The following ASMTL variants were observed in gnomAD, a reference collection of about 807,000 sequenced individuals.
The protein encoded by ASMTL is acetylserotonin O-methyltransferase like, also known as probable bifunctional dTTP/UTP pyrophosphatase/methyltransferase protein.
Under a neutral mutation model 60.3 loss-of-function variants are expected in ASMTL, and 57 were observed. That is an observed-to-expected ratio of 0.95 (90% CI 0.76 to 1.18). The LOEUF (loss-of-function observed/expected upper bound fraction) is 1.18. Among genes scored for constraint, ASMTL ranks in the 50% most tolerant of loss-of-function variants. The pLI is 0.00. For synonymous variants in ASMTL, 419 were observed against 373.0 expected (o/e 1.12, Z -1.42); for missense variants, 981 against 852.6 (o/e 1.15, Z -1.88).
At chrX:1,421,519 C>T in intron 9 of ASMTL, 139 bp downstream of exon 9, 1 of 901,134 alleles carries the variant, frequency 1.1e-6, no homozygotes, top group South Asian at 1.6e-5. Flanking sequence ...GCACTAAGTT[C>T]TCCAGGCAGA....
rs1317357774 is a variant in ASMTL at position 1,416,364 on chromosome X, G to C, written c.1522+1609C>G. 2.7e-5 allele frequency among the ~76,000 whole-genome samples: 3 copies of C among 110,636 alleles called. No homozygotes were observed. The East Asian group carries it at 8.0e-4, about 30-fold the overall frequency. The allele number at this position is 110,636 out of a possible 152,430, so 72.6% of individuals were successfully genotyped here. On this transcript the variant is annotated intron_variant, in intron 11 of 12. Coordinates refer to ENST00000381317, the MANE Select transcript of ASMTL (RefSeq NM_004192.4). ...ACAGATACAGTGACAGGCACACACA[G>C]ACGCAGACATGCACAGATGGGCACA...
In ASMTL at chrX:1,412,810, G is replaced by C; in HGVS notation, c.1567C>G (p.Leu523Val). The C allele has an allele frequency of 6.2e-7, 1 of 1,613,972 alleles. No homozygotes were observed. The highest frequency in any genetic ancestry group is 8.5e-7 in the Non-Finnish European group (1 of 1,179,870). Reference sequence around the variant, plus strand: ...GGCCAGTCATGCAGGATCCGGCACAGGACGTACAGCTCAGCGCTGGGGAGG... The same window carrying C: ...GGCCAGTCATGCAGGATCCGGCACACGACGTACAGCTCAGCGCTGGGGAGG... ...DPLPSAELYV[L>V]CRILHDWPDD... is the part of the protein sequence containing the mutation. The change falls in exon 12 of 13, where the codon CTG becomes GTG. Residue 523 changes from leucine (L) to valine (V), a missense_variant. Transcript: ENST00000381317.
chrX:1,412,142 G>T (rs1370205573), intron 12 of ASMTL, among the ~76,000 whole-genome samples: 1 of 151,982 alleles, frequency 6.6e-6, no homozygotes, highest in Non-Finnish European at 1.5e-5. Context: ...AAATACAGCA[G>T]ATTTACCCTC....
At chrX:1,444,274 T>A (rs1433198743) in intron 1 of ASMTL, among the ~76,000 whole-genome samples, 3 of 150,782 alleles carry the variant, frequency 2.0e-5, no homozygotes, top group Non-Finnish European at 3.0e-5. Context: ...AGTGATGCCA[T>A]CTCGGCTCAC....
At chrX:1,433,451 G>A (rs1189650005) in intron 5 of ASMTL, among the ~76,000 whole-genome samples, 1 of 147,060 alleles carries the variant, frequency 6.8e-6, no homozygotes, top group Admixed American at 6.9e-5. Flanking sequence ...GGATCACAAG[G>A]TCAGGAGATC....
At position 1,416,620 on chromosome X, in the gene ASMTL, AAC is replaced by A. The variant is rs1250851372; in HGVS notation, c.1522+1351_1522+1352del. 8.7e-5 allele frequency among the ~76,000 whole-genome samples: 12 copies of A among 137,206 alleles called. 1 individual carries two copies. Among genetic ancestry groups the A allele is most frequent in the East Asian group, 4.2e-4 (2 of 4,802 alleles). 90.0% of individuals were successfully genotyped at this position (137,206 alleles called of 152,430 possible). ...ACATATACCCACACAGACGCACAGA[AAC>A]ACACATACCCTCACACATATGCAAG... On this transcript the variant is annotated intron_variant, in intron 11 of 12. Coordinates refer to ENST00000381317, the MANE Select transcript of ASMTL (RefSeq NM_004192.4).
At chrX:1,416,514 C>G (rs1379334478) in intron 11 of ASMTL, among the ~76,000 whole-genome samples, 2 of 151,742 alleles carry the variant, frequency 1.3e-5, no homozygotes, top group African/African-American at 4.8e-5. Flanking sequence ...CACACGGATG[C>G]AGACATGCAC....
chrX:1,412,700 C>G (rs372317100), intron 12 of ASMTL, 32 bp downstream of exon 12: 25 of 1,613,870 alleles, frequency 1.5e-5, no homozygotes, highest in South Asian at 4.4e-5. Flanking sequence ...TACGTCTTAA[C>G]AAAAACAGCT....
chrX:1,419,777 G>A (rs753130986), intron 9 of ASMTL, among the ~76,000 whole-genome samples: 2 of 152,314 alleles, frequency 1.3e-5, no homozygotes, highest in South Asian at 2.1e-4. Context: ...TCTCGCGGGG[G>A]CTCCCCGGCC....
At chrX:1,411,598 G>A (rs1256738928) in intron 12 of ASMTL, among the ~76,000 whole-genome samples, 1 of 56,260 alleles carries the variant, frequency 1.8e-5, no homozygotes, top group African/African-American at 9.0e-5. Flanking sequence ...ACGTGTGTCT[G>A]CGTAGAAACA....
chrX:1,437,366 T>A (rs112705473), intron 3 of ASMTL, among the ~76,000 whole-genome samples: 2 of 150,344 alleles, frequency 1.3e-5, no homozygotes, highest in Admixed American at 1.3e-4. Flanking sequence ...GGGTGGCTTA[T>A]AAACAGCAGA....
intron 9 of ASMTL, among the ~76,000 whole-genome samples, chrX:1,421,020 C>T (rs1385244020): frequency 2.0e-5 from 3 of 149,086 alleles, no homozygotes; most frequent in South Asian, 2.1e-4. Context: ...AGGGCAGTGG[C>T]GTGATCTCAG....
rs1424817580 is a variant in ASMTL at position 1,407,494 on chromosome X, AGATG to A, written c.1646-4009_1646-4006del. On this transcript the variant is annotated intron_variant, in intron 12 of 12. Transcript: ENST00000381317. The stretch of plus-strand genomic sequence containing the variant: ...AGATGGATAGATGGATGCATGGATG[AGATG>A]GATGGATGGGTGAATATATGGTAGA... Among the ~76,000 whole-genome samples the A allele has an allele frequency of 9.4e-4, 141 of 149,614 alleles. 5 individuals are homozygous for A. Among genetic ancestry groups the A allele is most frequent in the African/African-American group, 3.2e-3 (129 of 39,920 alleles).
At chrX:1,453,147 C>G (rs1308244545), upstream of ASMTL, among the ~76,000 whole-genome samples, 1 of 142,544 alleles carries the variant, frequency 7.0e-6, no homozygotes. Flanking sequence ...GACCACGCCT[C>G]CATTGCCCTC....
At chrX:1,430,450 A>T (rs2090739223) in intron 6 of ASMTL, among the ~76,000 whole-genome samples, 1 of 152,102 alleles carries the variant, frequency 6.6e-6, no homozygotes, top group Non-Finnish European at 1.5e-5. Context: ...CATATATATT[A>T]CGCAGACTCC....
Position 1,427,935 on chromosome X carries a change from C to T in ASMTL, c.696G>A (p.Ala232=), listed in dbSNP as rs377169014. ...CGTCACTGAGGTCTTCGAAGGTGTC[C>T]GCGGCCGGGATGGAGTCGTGCTTGA... is the stretch of plus-strand genomic sequence containing the variant. ...RSVKHDSIPA[A]DTFEDLSDVE... is the part of the protein sequence containing the mutation. Residue 232 remains alanine, a synonymous_variant, in exon 7 of 13, where the codon GCG becomes GCA. Coordinates refer to ENST00000381317, the MANE Select transcript of ASMTL (RefSeq NM_004192.4). The T allele has an allele frequency of 3.9e-5, 63 of 1,613,414 alleles. No homozygotes were observed. The highest frequency in any genetic ancestry group is 7.7e-5 in the South Asian group (7 of 91,066).
At chrX:1,403,746 C>T (rs1314064186) in intron 12 of ASMTL, among the ~76,000 whole-genome samples, 1 of 151,870 alleles carries the variant, frequency 6.6e-6, no homozygotes, top group Non-Finnish European at 1.5e-5. Context: ...TTCCGGTTCT[C>T]CTGGATGCAT....
At chrX:1,419,421 C>G (rs6588861) in intron 9 of ASMTL, among the ~76,000 whole-genome samples, 1 of 151,958 alleles carries the variant, frequency 6.6e-6, no homozygotes, top group Non-Finnish European at 1.5e-5. Context: ...AGCTTTTCAC[C>G]CTGGAGGCTC....
intron 12 of ASMTL, among the ~76,000 whole-genome samples, chrX:1,412,458 C>T (rs1259584265): frequency 2.0e-5 from 3 of 152,156 alleles, no homozygotes; most frequent in African/African-American, 7.2e-5. Flanking sequence ...GAACTGCTCA[C>T]CCCGGGTGAT....
Sources: gnomAD v4.1 joint callset for allele counts (sites outside exome capture counted in the v4.1 genomes callset) on GRCh38, gnomAD v4.1.1 for gene constraint, MANE v1.5 for transcripts, NCBI Gene and HGNC (gene_info 2026-07-23, HGNC 2026-07-21) for gene names.